Variants in DZIP3 observed in about 807,000 individuals in gnomAD.
DZIP3 encodes the protein DAZ interacting zinc finger protein 3.
A neutral mutation model predicts 162.0 loss-of-function variants in DZIP3; 118 were observed. The ratio of observed to expected loss-of-function variants is 0.73; its 90% confidence interval spans 0.63 to 0.85. The LOEUF is 0.85. Ranked by LOEUF, DZIP3 falls within the 40% of genes least tolerant of loss-of-function variation. DZIP3 has a pLI of 0.00. For synonymous variants in DZIP3, 438 were observed against 458.6 expected (o/e 0.96, Z 0.57); for missense variants, 1,331 against 1,407.0 (o/e 0.95, Z 0.86).
rs1440352293 is a variant in DZIP3 at position 108,686,594 on chromosome 3, T to C, written c.3149+10T>C. The C allele has an allele frequency of 6.3e-7, 1 of 1,591,286 alleles. No homozygotes were observed. Reference sequence around the variant, plus strand: ...TTCCACAGCAAACCAGGTACCTTAGTTTTTATTTATTGGTGGGTACAGATC... The same window carrying C: ...TTCCACAGCAAACCAGGTACCTTAGCTTTTATTTATTGGTGGGTACAGATC... On this transcript the variant is annotated intron_variant, in intron 28 of 32. Transcript: ENST00000361582.
At chr3:108,594,363 T>C (rs1240231560) in intron 1 of DZIP3, among the ~76,000 whole-genome samples, 4 of 151,702 alleles carry the variant, frequency 2.6e-5, no homozygotes. Flanking sequence ...ACACCTAGGT[T>C]TTTAAAAGTT....
rs753425109 is a variant in DZIP3, at chr3:108,648,887, C to A, written c.1963-31C>A. The A allele has an allele frequency of 1.6e-5, 17 of 1,088,034 alleles. No homozygotes were observed. The South Asian group carries it at 2.2e-4, about 14-fold the overall frequency. The allele number at this position is 1,088,034 out of a possible 1,614,324, so 67.4% of individuals were successfully genotyped here. A position where few individuals can be genotyped will look rare whatever the true frequency, so the allele number is the denominator to read the frequency against. On this transcript the variant is annotated intron_variant, in intron 16 of 32. Coordinates refer to ENST00000361582, the MANE Select transcript of DZIP3 (RefSeq NM_014648.4). Reference sequence around the variant, plus strand: ...ATAACCCATTGGGCAATTTGAATTACATATTTAATAAATAATTTTTTACCT... The same window carrying A: ...ATAACCCATTGGGCAATTTGAATTAAATATTTAATAAATAATTTTTTACCT...
intron 9 of DZIP3, among the ~76,000 whole-genome samples, chr3:108,633,821 G>T: frequency 9.6e-6 from 1 of 103,670 alleles, no homozygotes; most frequent in Non-Finnish European, 1.9e-5. Context: ...GGATCTATCA[G>T]AGTACTTCTG....
intron 19 of DZIP3, among the ~76,000 whole-genome samples, chr3:108,660,173 A>G (rs1399422430): frequency 1.3e-5 from 2 of 152,244 alleles, no homozygotes; most frequent in African/African-American, 2.4e-5. Flanking sequence ...AAGAGCCTGC[A>G]TTGCGAAGTC....
intron 26 of DZIP3, 60 bp downstream of exon 26, chr3:108,677,658 G>C (rs1043432782): frequency 7.2e-7 from 1 of 1,383,168 alleles, no homozygotes; most frequent in African/African-American, 1.4e-5. Context: ...GGTAAGGGCT[G>C]TGAAACACTG....
intron 1 of DZIP3, among the ~76,000 whole-genome samples, chr3:108,595,475 A>G (rs1939666266): frequency 6.6e-6 from 1 of 152,216 alleles, no homozygotes; most frequent in East Asian, 1.9e-4. Context: ...TCAGCCTTCC[A>G]AAGTGCTGGG....
chr3:108,638,110 C>T (rs1053352478), intron 12 of DZIP3, among the ~76,000 whole-genome samples: 59 of 152,032 alleles, frequency 3.9e-4, no homozygotes, highest in African/African-American at 1.4e-3. Context: ...ATCAGTTTTC[C>T]CTTATTAGTT....
chr3:108,595,982 G>A (rs566258886), intron 1 of DZIP3, among the ~76,000 whole-genome samples: 2 of 152,270 alleles, frequency 1.3e-5, no homozygotes, highest in South Asian at 2.1e-4. Flanking sequence ...TATAATGGAG[G>A]ATATAGACAA....
intron 21 of DZIP3, among the ~76,000 whole-genome samples, chr3:108,668,572 C>G (rs1182226902): frequency 6.6e-6 from 1 of 151,944 alleles, no homozygotes; most frequent in South Asian, 2.1e-4. Context: ...AGATGGCAGT[C>G]TTACAAATTT....
chr3:108,598,738 A>G (rs1030510856), intron 1 of DZIP3, among the ~76,000 whole-genome samples: 13 of 152,218 alleles, frequency 8.5e-5, no homozygotes, highest in African/African-American at 3.1e-4. Flanking sequence ...TCTAACAACT[A>G]TAATGACAAC....
chr3:108,644,540 CA>C lies in DZIP3; in HGVS notation c.1521del (p.Lys507AsnfsTer11), dbSNP rs1241516152. Reference protein sequence around the residue: ...SKSADILRLCKYRDILLSEIL... With the variant: ...SKSADILRLCXYRDILLSEIL... ...AATCTGCAGACATCCTGAGACTGTG[CA>C]AATACAGGGATATCCTCCTTAGTGA... On this transcript the variant is annotated frameshift_variant, in exon 14 of 33. Coordinates refer to ENST00000361582, the MANE Select transcript of DZIP3 (RefSeq NM_014648.4). LOFTEE classifies it high-confidence loss of function. 1 of 1,614,098 alleles carries C rather than the reference CA, an allele frequency of 6.2e-7. No homozygotes were observed. Among genetic ancestry groups the C allele is most frequent in the East Asian group, 2.2e-5 (1 of 44,872 alleles).
chr3:108,622,658 A>C (rs770910644), intron 5 of DZIP3, among the ~76,000 whole-genome samples: 1 of 152,112 alleles, frequency 6.6e-6, no homozygotes, highest in African/African-American at 2.4e-5. Context: ...TTGTGATTTA[A>C]GTCCTTGGTC....
At position 108,686,345 on chromosome 3, in the gene DZIP3, T is replaced by C; in HGVS notation, c.3010-100T>C. The C allele has an allele frequency of 2.6e-6, 3 of 1,135,022 alleles. No individual in the cohort carries two copies. In the South Asian group the frequency reaches 7.5e-5, roughly 29 times the overall value. The allele number at this position is 1,135,022 out of a possible 1,614,324, so 70.3% of individuals were successfully genotyped here. A position where few individuals can be genotyped will look rare whatever the true frequency, so the allele number is the denominator to read the frequency against. ...AGAAAAACTGTAAAAATTGAATGTG[T>C]ATGCCAGTACGCTTCTTCATTGTAC... On this transcript the variant is annotated intron_variant, in intron 27 of 32. Coordinates refer to ENST00000361582, the MANE Select transcript of DZIP3 (RefSeq NM_014648.4).
intron 2 of DZIP3, among the ~76,000 whole-genome samples, chr3:108,607,112 C>T (rs1940422708): frequency 6.6e-6 from 1 of 152,102 alleles, no homozygotes; most frequent in Admixed American, 6.6e-5. Flanking sequence ...GAGGAAAAGA[C>T]AGGTTTCTTT....
At chr3:108,605,171 A>C (rs560854499) in intron 1 of DZIP3, among the ~76,000 whole-genome samples, 164 bp from the exon 2 acceptor site, 1 of 152,316 alleles carries the variant, frequency 6.6e-6, no homozygotes, top group Non-Finnish European at 1.5e-5. Context: ...AAAAATAAGC[A>C]TATTAAAGGA....
At chr3:108,602,157 GT>G (rs1391957788) in intron 1 of DZIP3, among the ~76,000 whole-genome samples, 1 of 152,138 alleles carries the variant, frequency 6.6e-6, no homozygotes, top group Non-Finnish European at 1.5e-5. Flanking sequence ...GTTTAGGAAG[GT>G]GATAGTAACA....
intron 7 of DZIP3, among the ~76,000 whole-genome samples, chr3:108,628,166 C>T (rs994034127): frequency 1.7e-4 from 26 of 152,102 alleles, no homozygotes; most frequent in African/African-American, 5.1e-4. Context: ...CATGAGCCAC[C>T]GCACCCAGCC....
At position 108,616,658 on chromosome 3, in the gene DZIP3, G is replaced by GT. The variant is rs759511983; in HGVS notation, c.375+2dup. 2 of 1,564,172 alleles carry GT rather than the reference G, an allele frequency of 1.3e-6. No individual in the cohort carries two copies. Among genetic ancestry groups the GT allele is most frequent in the Non-Finnish European group, 1.7e-6 (2 of 1,155,126 alleles). On this transcript the variant is annotated splice_donor_variant, in intron 5 of 32. Coordinates refer to ENST00000361582, the MANE Select transcript of DZIP3 (RefSeq NM_014648.4). LOFTEE classifies it high-confidence loss of function. ...GAACATTCAAGCTGGCAATTATACC[G>GT]TAAGTGTTTTCTTTTTGGAAATTTG...
intron 22 of DZIP3, among the ~76,000 whole-genome samples, chr3:108,670,778 C>T (rs561884591): frequency 1.5e-4 from 23 of 151,970 alleles, no homozygotes; most frequent in Middle Eastern, 6.8e-3. Context: ...ACATTCTGAT[C>T]AACATTTGTT....
Sources: gnomAD v4.1 joint callset for allele counts (sites outside exome capture counted in the v4.1 genomes callset) on GRCh38, gnomAD v4.1.1 for gene constraint, MANE v1.5 for transcripts, NCBI Gene and HGNC (gene_info 2026-07-23, HGNC 2026-07-21) for gene names.